Variants in CD37 observed in about 807,000 individuals in gnomAD.
CD37 encodes the protein CD37 molecule.
Under a neutral mutation model 38.9 loss-of-function variants are expected in CD37, and 37 were observed. That is an observed-to-expected ratio of 0.95 (90% CI 0.73 to 1.25). CD37 has a LOEUF of 1.25. Among genes scored for constraint, CD37 ranks in the 50% most tolerant of loss-of-function variants. The pLI is 0.00. For missense variants in CD37, 351 were observed against 360.1 expected (o/e 0.97, Z 0.20); for synonymous variants, 146 against 150.1 (o/e 0.97, Z 0.20).
In CD37 at chr19:49,338,019, T is replaced by C. The variant is rs749225161; in HGVS notation, c.437T>C (p.Val146Ala). ...GCGGCCGAGGAGAGCTGGGACTATG[T>C]GCAGTTCCAGGTAAGCCCCCCTCCT... The part of the protein sequence containing the change: ...ETAAEESWDY[V>A]QFQLRCCGWH... The change falls in exon 5 of 8, where the codon GTG becomes GCG. Residue 146 changes from valine (V) to alanine (A), a missense_variant. Physicochemically the swap from Val to Ala is moderately conservative, Grantham distance 64. Transcript: ENST00000323906. This position sits in a 1 kb window ranked among gnomAD's most constrained non-coding sequence, Gnocchi z 5.0. 7.4e-6 allele frequency: 12 copies of C among 1,613,874 alleles called. No individual in the cohort carries two copies. Among genetic ancestry groups the C allele is most frequent in the Non-Finnish European group, 1.0e-5 (12 of 1,179,940 alleles).
In CD37 at chr19:49,339,685, C is replaced by G; in HGVS notation, c.768+272C>G. ...GACTGTCATGGTGCTGAGCGTACAG[C>G]TACAGCGCAGGGCACTCCGCCGGAA... On this transcript the variant is annotated intron_variant, in intron 7 of 7. Transcript: ENST00000323906. This position sits in a 1 kb window ranked among gnomAD's most constrained non-coding sequence, Gnocchi z 4.5. 1 of 1,421,592 alleles carries G rather than the reference C, an allele frequency of 7.0e-7. No individual in the cohort carries two copies. The highest frequency in any genetic ancestry group is 9.2e-7 in the Non-Finnish European group (1 of 1,092,840). 88.1% of individuals were successfully genotyped at this position (1,421,592 alleles called of 1,614,324 possible). A position where few individuals can be genotyped will look rare whatever the true frequency, so the allele number is the denominator to read the frequency against.
chr19:49,337,736 A>G (rs1403446652), intron 4 of CD37, 189 bp from the exon 5 acceptor site: 1 of 1,536,048 alleles, frequency 6.5e-7, no homozygotes, highest in African/African-American at 1.4e-5. Context: ...AAGAAGAGAC[A>G]GAGACTTATG....
In CD37 at chr19:49,335,724, G is replaced by T. The variant is rs367788780; in HGVS notation, c.80G>T (p.Ser27Ile). ...ATCTCCTCTCCCCAGGTCCTCGGCAGCCTGATCTTCTGCTTCGGCATCTGG... is the reference window on the plus strand; with the variant it reads ...ATCTCCTCTCCCCAGGTCCTCGGCATCCTGATCTTCTGCTTCGGCATCTGG... ...VFNLFFFVLGSLIFCFGIWIL... is the reference protein window; with the variant it reads ...VFNLFFFVLGILIFCFGIWIL... The change falls in exon 2 of 8, where the codon AGC becomes ATC. Residue 27 changes from serine (S) to isoleucine (I), a missense_variant. By Grantham distance (142) the Ser-to-Ile change is moderately radical. Coordinates refer to ENST00000323906, the MANE Select transcript of CD37 (RefSeq NM_001774.3). The surrounding 1 kb of genome is among the most constrained non-coding windows in gnomAD (Gnocchi z 4.6). 1.2e-6 allele frequency: 2 copies of T among 1,613,962 alleles called. No individual in the cohort carries two copies.
chr19:49,337,307 C>A (rs1008704988), intron 4 of CD37, 86 bp downstream of exon 4: 3 of 1,298,004 alleles, frequency 2.3e-6, no homozygotes, highest in African/African-American at 1.5e-5. Flanking sequence ...GAGACCGAAA[C>A]AAGGGCAGAC....
At position 49,336,967 on chromosome 19, in the gene CD37, C is replaced by G. The variant is rs758551181; in HGVS notation, c.201C>G (p.Phe67Leu). Residue 67 changes from phenylalanine to leucine, a missense_variant, in exon 3 of 8, where the codon TTC (phenylalanine) becomes TTG (leucine). Phe to Leu is a conservative substitution (Grantham distance 22). Transcript: ENST00000323906. Reference sequence around the variant, plus strand: ...AAGTCCTGGCCATCTCAGGAATCTTCACCATGGGCATCGCCCTCCTGGGTT... The same window carrying G: ...AAGTCCTGGCCATCTCAGGAATCTTGACCATGGGCATCGCCCTCCTGGGTT... ...WSKVLAISGIFTMGIALLGCV... is the reference protein window; with the variant it reads ...WSKVLAISGILTMGIALLGCV... 6 of 1,614,174 alleles carry G rather than the reference C, an allele frequency of 3.7e-6. No homozygotes were observed. The South Asian group carries it at 6.6e-5, about 18-fold the overall frequency.
Position 49,338,976 on chromosome 19 carries a change from G to A in CD37, c.684+40G>A, listed in dbSNP as rs779062605. ...GGAGCATAAACCTGTCGAATGGGGC[G>A]GGGCCTGCGGGAGGGGGAGGGCTGT... On this transcript the variant is annotated intron_variant, in intron 6 of 7. Coordinates refer to ENST00000323906, the MANE Select transcript of CD37 (RefSeq NM_001774.3). The surrounding 1 kb of genome is among the most constrained non-coding windows in gnomAD (Gnocchi z 5.0). 13 of 1,488,806 alleles carry A rather than the reference G, an allele frequency of 8.7e-6. No homozygotes were observed. The highest frequency in any genetic ancestry group is 6.7e-5 in the Admixed American group (4 of 59,304). The allele number at this position is 1,488,806 out of a possible 1,614,324, so 92.2% of individuals were successfully genotyped here. A position where few individuals can be genotyped will look rare whatever the true frequency, so the allele number is the denominator to read the frequency against.
At position 49,335,639 on chromosome 19, in the gene CD37, GCCCAGCCCCTGCCGCTAA is replaced by G. The variant is rs529164840; in HGVS notation, c.69+39_70-49del. On this transcript the variant is annotated intron_variant, in intron 1 of 7. Coordinates refer to ENST00000323906, the MANE Select transcript of CD37 (RefSeq NM_001774.3). The surrounding 1 kb of genome is among the most constrained non-coding windows in gnomAD (Gnocchi z 4.6). Reference sequence around the variant, plus strand: ...GTTGCCTCATGGCTACCCAGCCGGGGCCCAGCCCCTGCCGCTAACCCAGCCCTCATCTTCCCCTGTGGC... The same window carrying G: ...GTTGCCTCATGGCTACCCAGCCGGGGCCCAGCCCTCATCTTCCCCTGTGGC... The G allele has an allele frequency of 1.5e-4, 237 of 1,611,108 alleles. No homozygotes were observed. The African/African-American group carries it at 3.0e-3, about 20-fold the overall frequency.
Position 49,336,926 on chromosome 19 carries a change from C to G in CD37, c.160C>G (p.Leu54Val), listed in dbSNP as rs1320706085. Residue 54 changes from leucine (L) to valine (V), a missense_variant, in exon 3 of 8, where the codon CTG (leucine) becomes GTG (valine). By Grantham distance (32) the Leu-to-Val change is conservative. Transcript: ENST00000323906. ...TCTCCCAGGCTTGGCCTTCGTGCCT[C>G]TGCAGATCTGGTCCAAAGTCCTGGC... is the stretch of plus-strand genomic sequence containing the variant. ...VSFVGLAFVP[L>V]QIWSKVLAIS... 3.7e-6 allele frequency: 6 copies of G among 1,614,080 alleles called. No homozygotes were observed. Among genetic ancestry groups the G allele is most frequent in the Non-Finnish European group, 4.2e-6 (5 of 1,180,030 alleles).
chr19:49,337,526 G>T lies in CD37; in HGVS notation c.342+305G>T, dbSNP rs190261799. 21 of 821,198 alleles carry T rather than the reference G, an allele frequency of 2.6e-5. No individual in the cohort carries two copies. In the African/African-American group the frequency reaches 3.1e-4, roughly 12 times the overall value. 50.9% of individuals were successfully genotyped at this position (821,198 alleles called of 1,614,324 possible). A position where few individuals can be genotyped will look rare whatever the true frequency, so the allele number is the denominator to read the frequency against. ...GGTCCCAGCTACTTGGGAGGTCGAG[G>T]TGGGAGGATCACTTGAGCCAGGGAG... On this transcript the variant is annotated intron_variant, in intron 4 of 7. Transcript: ENST00000323906.
Position 49,339,445 on chromosome 19 carries a change from C to T in CD37, c.768+32C>T. On this transcript the variant is annotated intron_variant, in intron 7 of 7. Transcript: ENST00000323906. This position sits in a 1 kb window ranked among gnomAD's most constrained non-coding sequence, Gnocchi z 4.5. ...TGGCCCCGCCCCCACCCGCGATCGG[C>T]CCTAAATCCCTAGATGGCCCTGCCC... is the stretch of plus-strand genomic sequence containing the variant. 1.3e-6 allele frequency: 2 copies of T among 1,595,020 alleles called. No homozygotes were observed. Among genetic ancestry groups the T allele is most frequent in the Non-Finnish European group, 1.7e-6 (2 of 1,164,812 alleles).
chr19:49,337,823 C>G (rs1303604899), intron 4 of CD37, 102 bp from the exon 5 acceptor site: 5 of 1,579,536 alleles, frequency 3.2e-6, no homozygotes, highest in African/African-American at 2.7e-5. Context: ...GGATTTGAGA[C>G]TGGCCCAGAG....
chr19:49,339,338 G>A lies in CD37; in HGVS notation c.693G>A (p.Ala231=), dbSNP rs1971102056. The change falls in exon 7 of 8, where the codon GCG becomes GCA. Residue 231 remains alanine (A), a synonymous_variant. Transcript: ENST00000323906. This position sits in a 1 kb window ranked among gnomAD's most constrained non-coding sequence, Gnocchi z 4.5. ...TTCCCTACACCCCCCAGGGCTGCGC[G>A]CAGGGCCTCCAGAAGTGGCTGCACA... ...AESHIYREGC[A]QGLQKWLHNN... 2 of 1,613,738 alleles carry A rather than the reference G, an allele frequency of 1.2e-6. No individual in the cohort carries two copies. The highest frequency in any genetic ancestry group is 2.2e-5 in the East Asian group (1 of 44,884).
Position 49,339,560 on chromosome 19 carries a change from G to A in CD37, c.768+147G>A, listed in dbSNP as rs1156963531. ...CCCTCCCGCCGCTCCACCCAGCACC[G>A]GAGGGTGGGGGCGGCCCAGCTTCAG... On this transcript the variant is annotated intron_variant, in intron 7 of 7. Transcript: ENST00000323906. This position sits in a 1 kb window ranked among gnomAD's most constrained non-coding sequence, Gnocchi z 4.5. 6.8e-7 allele frequency: 1 copy of A among 1,465,424 alleles called. No individual in the cohort carries two copies. The highest frequency in any genetic ancestry group is 9.0e-7 in the Non-Finnish European group (1 of 1,106,454). 90.8% of individuals were successfully genotyped at this position (1,465,424 alleles called of 1,614,324 possible).
rs918245563 is a variant in CD37 at position 49,340,430 on chromosome 19, T to TCC, written c.*103_*104dup. The TCC allele has an allele frequency of 3.7e-4, 314 of 851,546 alleles. 2 individuals are homozygous for TCC. The highest frequency in any genetic ancestry group is 6.3e-4 in the Admixed American group (33 of 51,988). 52.7% of individuals were successfully genotyped at this position (851,546 alleles called of 1,614,324 possible). Reference sequence around the variant, plus strand: ...TTAATCCCCAGTTCGCCTGGAGCCCTCCGCCTTCACATTCCCCTGGGGACC... The same window carrying TCC: ...TTAATCCCCAGTTCGCCTGGAGCCCTCCCCGCCTTCACATTCCCCTGGGGACC... On this transcript the variant is annotated 3_prime_UTR_variant, in exon 8 of 8. Coordinates refer to ENST00000323906, the MANE Select transcript of CD37 (RefSeq NM_001774.3).
intron 7 of CD37, 83 bp from the exon 8 acceptor site, chr19:49,340,168 T>C: frequency 8.8e-7 from 1 of 1,136,024 alleles, no homozygotes; most frequent in Non-Finnish European, 1.2e-6. Flanking sequence ...GCCCCACCCC[T>C]GACCTTTCTC....
chr19:49,337,197 C>A lies in CD37; in HGVS notation c.318C>A (p.Ile106=), dbSNP rs1382550695. ...LLFATQITLG[I]LISTQRAQLE... is the part of the protein sequence containing the mutation. ...TTGCCACACAGATCACCCTGGGAAT[C>A]CTCATCTCCACTCAGCGGGCCCAGG... The change falls in exon 4 of 8, where the codon ATC becomes ATA. Residue 106 remains isoleucine (I), a synonymous_variant. Coordinates refer to ENST00000323906, the MANE Select transcript of CD37 (RefSeq NM_001774.3). The A allele has an allele frequency of 5.0e-6, 8 of 1,614,194 alleles. No individual in the cohort carries two copies. In the Admixed American group the frequency reaches 6.7e-5, roughly 13 times the overall value.
chr19:49,339,898 C>T lies in CD37; in HGVS notation c.769-353C>T. 7.4e-7 allele frequency: 1 copy of T among 1,347,494 alleles called. No individual in the cohort carries two copies. Among genetic ancestry groups the T allele is most frequent in the East Asian group, 3.1e-5 (1 of 31,994 alleles). 83.5% of individuals were successfully genotyped at this position (1,347,494 alleles called of 1,614,324 possible). ...CCTGGGGCTCTGGCCGCTGTGGGTT[C>T]AAGACGAGGACCAGCCTGACACTGG... is the stretch of plus-strand genomic sequence containing the variant. On this transcript the variant is annotated intron_variant, in intron 7 of 7. Transcript: ENST00000323906. This position sits in a 1 kb window ranked among gnomAD's most constrained non-coding sequence, Gnocchi z 4.5.
intron 7 of CD37, 58 bp from the exon 8 acceptor site, chr19:49,340,193 C>A: frequency 6.7e-7 from 1 of 1,503,552 alleles, no homozygotes; most frequent in South Asian, 1.1e-5. Context: ...GGGTGGGCAT[C>A]ACCCCCGTCT....
In CD37 at chr19:49,339,487, C is replaced by G. The variant is rs756599754; in HGVS notation, c.768+74C>G. 5 of 1,551,310 alleles carry G rather than the reference C, an allele frequency of 3.2e-6. No individual in the cohort carries two copies. The East Asian group carries it at 9.0e-5, about 28-fold the overall frequency. ...GCCCTGCCCTTCATTTCGCGTCCTT[C>G]GGTTGCCTGGGAAGGACGAGCTCAG... is the stretch of plus-strand genomic sequence containing the variant. On this transcript the variant is annotated intron_variant, in intron 7 of 7. Coordinates refer to ENST00000323906, the MANE Select transcript of CD37 (RefSeq NM_001774.3). The surrounding 1 kb of genome is among the most constrained non-coding windows in gnomAD (Gnocchi z 4.5).
Sources: gnomAD v4.1 joint callset for allele counts on GRCh38, gnomAD v4.1.1 for gene constraint, Gnocchi (gnomAD v3.1) non-coding constraint, MANE v1.5 for transcripts, NCBI Gene and HGNC (gene_info 2026-07-23, HGNC 2026-07-21) for gene names.